Variants in CPEB2 observed in about 807,000 individuals in gnomAD.
CPEB2 encodes the protein cytoplasmic polyadenylation element binding protein 2.
A neutral mutation model predicts 93.6 loss-of-function variants in CPEB2; 56 were observed. The observed-to-expected ratio is 0.60, with a 90% CI of 0.48 to 0.75. The LOEUF (loss-of-function observed/expected upper bound fraction) is 0.75, where lower values mean the gene tolerates loss of function less well. CPEB2 is among the 30% of genes least tolerant of loss of function. The pLI, the probability that CPEB2 is intolerant of heterozygous loss-of-function variation, is 0.00. For missense variants in CPEB2, 1,579 were observed against 1,395.1 expected, an observed-to-expected ratio of 1.13 and a Z score of -2.10; for synonymous variants, 764 against 586.3, an observed-to-expected ratio of 1.30 and a Z score of -4.38.
At chr4:15,038,008 T>G (rs2109042387) in intron 5 of CPEB2, among the ~76,000 whole-genome samples, 2 of 152,330 alleles carry the variant, frequency 1.3e-5, no homozygotes, top group South Asian at 4.1e-4. Flanking sequence ...TTTAGTGTGA[T>G]GGTGGCAGAT....
Position 15,068,189 on chromosome 4 carries a change from A to C in CPEB2, c.*1809A>C, listed in dbSNP as rs1233798406. On this transcript the variant is annotated 3_prime_UTR_variant, in exon 12 of 12. Coordinates refer to ENST00000538197, the MANE Select transcript of CPEB2 (RefSeq NM_001177382.2). ...CCTTGGGACAATCCTTCATGTGAGC[A>C]AAGTGTTGATCTTAATATTGGTTGT... The C allele has an allele frequency of 6.6e-6, 1 of 152,342 alleles. No homozygotes were observed. The allele number at this position is 152,342 out of a possible 1,614,324, so 9.4% of individuals were successfully genotyped here. A position where few individuals can be genotyped will look rare whatever the true frequency, so the allele number is the denominator to read the frequency against.
chr4:15,022,235 A>G (rs1232800128), intron 4 of CPEB2, among the ~76,000 whole-genome samples: 1 of 152,148 alleles, frequency 6.6e-6, no homozygotes, highest in African/African-American at 2.4e-5. Flanking sequence ...AGATCTTTAA[A>G]AAGCTGTGAA....
At position 15,042,725 on chromosome 4, in the gene CPEB2, CAA is replaced by C. The variant is rs1286474413; in HGVS notation, c.2200+2239_2200+2240del. On this transcript the variant is annotated intron_variant, in intron 6 of 11. Coordinates refer to ENST00000538197, the MANE Select transcript of CPEB2 (RefSeq NM_001177382.2). ...AAGTACACTGAAACGGTAAGTAATGCAATTTTTTTAAAACCTGCATACCAAAG... is the reference window on the plus strand; with the variant it reads ...AAGTACACTGAAACGGTAAGTAATGCTTTTTTTAAAACCTGCATACCAAAG... Among the ~76,000 whole-genome samples, 5 of 152,242 alleles carry C rather than the reference CAA, an allele frequency of 3.3e-5. No individual in the cohort carries two copies. The East Asian group carries it at 9.7e-4, about 29-fold the overall frequency.
rs1205934773 is a variant in CPEB2, at chr4:15,066,417, A to AG, written c.*40dup. ...TGGCCTCTGTTTAACAAGGAAAGAAAGGGTGCATGTGGCTTACTGTGTCTG... is the reference window on the plus strand; with the variant it reads ...TGGCCTCTGTTTAACAAGGAAAGAAAGGGGTGCATGTGGCTTACTGTGTCTG... On this transcript the variant is annotated 3_prime_UTR_variant, in exon 12 of 12. Transcript: ENST00000538197. 2 of 1,452,732 alleles carry AG rather than the reference A, an allele frequency of 1.4e-6. No homozygotes were observed. Among genetic ancestry groups the AG allele is most frequent in the African/African-American group, 2.8e-5 (2 of 71,488 alleles). The allele number at this position is 1,452,732 out of a possible 1,614,324, so 90.0% of individuals were successfully genotyped here.
rs1722082207 is a variant in CPEB2, at chr4:15,002,497, C to CGGCGAT, written c.-176_-171dup. Among the ~76,000 whole-genome samples the CGGCGAT allele has an allele frequency of 6.7e-6, 1 of 150,220 alleles. No homozygotes were observed. Among genetic ancestry groups the CGGCGAT allele is most frequent in the Non-Finnish European group, 1.5e-5 (1 of 67,376 alleles). On this transcript the variant is annotated 5_prime_UTR_variant, in exon 1 of 12. In the 5' UTR this introduces an upstream ATG that the reference lacks. Transcript: ENST00000538197. Reference sequence around the variant, plus strand: ...ACGGCGACTGCGACGGCGGCGGCGGCGGCGATCGCCGCGAGGGGTGGTGGG... The same window carrying CGGCGAT: ...ACGGCGACTGCGACGGCGGCGGCGGCGGCGATGGCGATCGCCGCGAGGGGTGGTGGG...
At chr4:15,041,716 A>T (rs568578794) in intron 6 of CPEB2, among the ~76,000 whole-genome samples, 1 of 152,200 alleles carries the variant, frequency 6.6e-6, no homozygotes, top group African/African-American at 2.4e-5. Context: ...CAGTGCTTCC[A>T]TTTCTTTTCA....
At chr4:15,020,956 A>G (rs1334577156) in intron 4 of CPEB2, among the ~76,000 whole-genome samples, 1 of 152,190 alleles carries the variant, frequency 6.6e-6, no homozygotes, top group African/African-American at 2.4e-5. Context: ...TGAGCAGCAC[A>G]ATGATGGAAA....
intron 8 of CPEB2, among the ~76,000 whole-genome samples, chr4:15,056,588 G>A (rs1728733108): frequency 6.6e-6 from 1 of 152,134 alleles, no homozygotes; most frequent in African/African-American, 2.4e-5. Flanking sequence ...CCAAAGACCA[G>A]TATCCCCAAA....
chr4:15,002,652 C>A lies in CPEB2; in HGVS notation c.-22C>A. The A allele has an allele frequency of 6.8e-7, 1 of 1,479,390 alleles. No homozygotes were observed. The allele number at this position is 1,479,390 out of a possible 1,614,324, so 91.6% of individuals were successfully genotyped here. ...GGGCAGGGGACGAGGAGCGTCTCCT[C>A]CCGCTGCCGGCGGCCTGATAAATGA... On this transcript the variant is annotated 5_prime_UTR_variant, in exon 1 of 12. Coordinates refer to ENST00000538197, the MANE Select transcript of CPEB2 (RefSeq NM_001177382.2).
At chr4:15,017,492 A>G in intron 4 of CPEB2, 1 of 365,156 alleles carries the variant, frequency 2.7e-6, no homozygotes, top group Non-Finnish European at 4.9e-6. Flanking sequence ...AATTTAAGGA[A>G]AATTTACTAT....
At chr4:15,030,857 A>G (rs4525970) in intron 4 of CPEB2, among the ~76,000 whole-genome samples, 131,706 of 152,092 alleles carry the variant, frequency 0.87, 58,000 homozygotes, top group Non-Finnish European at 0.95. Context: ...GAGCCATAAT[A>G]TCAAAAGACT....
intron 3 of CPEB2, among the ~76,000 whole-genome samples, chr4:15,014,588 G>T (rs1017035503): frequency 6.6e-6 from 1 of 152,094 alleles, no homozygotes; most frequent in Non-Finnish European, 1.5e-5. Flanking sequence ...TACCTGTTCC[G>T]TTGAGGATTC....
chr4:15,010,623 G>A (rs1723349486), intron 3 of CPEB2: 1 of 152,110 alleles, frequency 6.6e-6, no homozygotes, highest in Non-Finnish European at 1.5e-5. Flanking sequence ...CTCATTCTTT[G>A]GCAAAATTAA....
At chr4:15,039,576 G>A (rs1208685635) in intron 5 of CPEB2, among the ~76,000 whole-genome samples, 1 of 151,942 alleles carries the variant, frequency 6.6e-6, no homozygotes, top group East Asian at 1.9e-4. Flanking sequence ...TACTCATTGT[G>A]TATTCAAATT....
At chr4:15,032,182 C>T (rs367956345) in intron 4 of CPEB2, among the ~76,000 whole-genome samples, 1 of 152,166 alleles carries the variant, frequency 6.6e-6, no homozygotes, top group South Asian at 2.1e-4. Flanking sequence ...ACTACATGCT[C>T]AAACTCCTGG....
chr4:15,011,700 A>T (rs10939604), intron 3 of CPEB2, among the ~76,000 whole-genome samples: 4,132 of 152,298 alleles, frequency 0.027, 90 homozygotes, highest in South Asian at 0.14. Context: ...TATGTTTTAA[A>T]TCAAAGAGTA....
chr4:15,050,076 A>G (rs767173422), intron 6 of CPEB2, among the ~76,000 whole-genome samples: 16 of 152,212 alleles, frequency 1.1e-4, no homozygotes, highest in Non-Finnish European at 1.2e-4. Context: ...TGTTTAATAT[A>G]TAGACAGATA....
At chr4:15,050,520 T>G (rs141183154) in intron 6 of CPEB2, among the ~76,000 whole-genome samples, 75 of 152,348 alleles carry the variant, frequency 4.9e-4, no homozygotes, top group African/African-American at 1.6e-3. Context: ...TCTCTTCATT[T>G]GATCTCTATA....
chr4:15,052,523 G>A lies in CPEB2; in HGVS notation c.2310G>A (p.Glu770=), dbSNP rs1403507653. 5 of 1,596,728 alleles carry A rather than the reference G, an allele frequency of 3.1e-6. No individual in the cohort carries two copies. The South Asian group carries it at 4.5e-5, about 14-fold the overall frequency. ...GTTATTCAGCTCACCAAAATGGAGA[G>A]CGAATAGAACGCTTCTCTCGAAAAG... is the stretch of plus-strand genomic sequence containing the variant. ...PTCYSAHQNG[E]RIERFSRKVF... is the part of the protein sequence containing the mutation. Residue 770 remains glutamate (E), a synonymous_variant, in exon 7 of 12, where the codon GAG becomes GAA. Transcript: ENST00000538197.
Sources: allele counts gnomAD v4.1 joint callset (sites outside exome capture counted in the v4.1 genomes callset), GRCh38; gene constraint gnomAD v4.1.1; transcripts MANE v1.5; gene names NCBI Gene and HGNC (gene_info 2026-07-23, HGNC 2026-07-21).